The following INPP4B variants were observed in gnomAD, a reference collection of about 807,000 sequenced individuals.
INPP4B encodes inositol polyphosphate 4-phosphatase type II.
A neutral mutation model predicts 122.5 loss-of-function variants in INPP4B; 55 were observed. That is an observed-to-expected ratio of 0.45 (90% CI 0.36 to 0.56). The LOEUF is 0.56. Ranked by LOEUF, INPP4B falls within the 20% of genes least tolerant of loss-of-function variation. INPP4B has a pLI of 0.00. For synonymous variants in INPP4B, 403 were observed against 388.7 expected (o/e 1.04, Z -0.43); for missense variants, 1,000 against 1,097.7 (o/e 0.91, Z 1.26).
chr4:142,213,270 A>G (rs1316617629), intron 12 of INPP4B, among the ~76,000 whole-genome samples: 2 of 152,132 alleles, frequency 1.3e-5, no homozygotes, highest in African/African-American at 2.4e-5. Context: ...CCTGCCACCC[A>G]ACAGGTGTTG....
chr4:142,331,329 A>G (rs1337014876), intron 7 of INPP4B, among the ~76,000 whole-genome samples: 1 of 152,168 alleles, frequency 6.6e-6, no homozygotes, highest in African/African-American at 2.4e-5. Flanking sequence ...GGGACAGTAG[A>G]GCAGGCCCCA....
intron 7 of INPP4B, among the ~76,000 whole-genome samples, chr4:142,376,377 G>A (rs1235059505): frequency 6.6e-6 from 1 of 151,854 alleles, no homozygotes; most frequent in Non-Finnish European, 1.5e-5. Flanking sequence ...ATATAACCCA[G>A]CTAACCTAAA....
chr4:142,292,438 C>A (rs1262462211), intron 9 of INPP4B, among the ~76,000 whole-genome samples: 1 of 152,174 alleles, frequency 6.6e-6, no homozygotes, highest in Non-Finnish European at 1.5e-5. Context: ...GACTGCCCAA[C>A]AAACAAGCAA....
At chr4:142,450,982 C>T (rs933257806) in intron 3 of INPP4B, among the ~76,000 whole-genome samples, 3 of 149,922 alleles carry the variant, frequency 2.0e-5, no homozygotes, top group Non-Finnish European at 4.4e-5. Context: ...AACTCCCCCC[C>T]CCAAAAAAAG....
At chr4:142,506,405 G>A (rs1188229022) in intron 2 of INPP4B, among the ~76,000 whole-genome samples, 3 of 151,998 alleles carry the variant, frequency 2.0e-5, no homozygotes, top group African/African-American at 7.3e-5. Flanking sequence ...TTAGGTAATG[G>A]AGTTTTCTAG....
At chr4:142,651,966 C>T (rs185805824) in intron 2 of INPP4B, among the ~76,000 whole-genome samples, 2 of 152,240 alleles carry the variant, frequency 1.3e-5, no homozygotes. Context: ...ATACAAAAAT[C>T]CTCAATAAAA....
At chr4:142,382,658 T>C (rs1258574740) in intron 7 of INPP4B, among the ~76,000 whole-genome samples, 1 of 101,506 alleles carries the variant, frequency 9.9e-6, no homozygotes, top group South Asian at 2.3e-4. Flanking sequence ...TATATATATT[T>C]ATATATATAT....
Position 142,260,166 on chromosome 4 carries a change from A to G in INPP4B, c.688+326T>C, listed in dbSNP as rs994806449. On this transcript the variant is annotated intron_variant, in intron 11 of 25. Transcript: ENST00000262992. ...TGCCCAGCTAATTTTTGGTATTTTTAGTAGAGACGGGGTTTCACCATGTCA... is the reference window on the plus strand; with the variant it reads ...TGCCCAGCTAATTTTTGGTATTTTTGGTAGAGACGGGGTTTCACCATGTCA... 2.6e-5 allele frequency among the ~76,000 whole-genome samples: 4 copies of G among 152,026 alleles called. No individual in the cohort carries two copies. The East Asian group carries it at 7.7e-4, about 29-fold the overall frequency.
At chr4:142,236,938 T>C (rs1001382622) in intron 12 of INPP4B, among the ~76,000 whole-genome samples, 1 of 152,222 alleles carries the variant, frequency 6.6e-6, no homozygotes, top group East Asian at 1.9e-4. Context: ...GTTGCTAATT[T>C]AATGAGATTT....
chr4:142,425,084 TTTTCCAAAGAAAATTATTC>T (rs1338031516), intron 5 of INPP4B: 6 of 151,998 alleles, frequency 3.9e-5, no homozygotes, highest in Admixed American at 3.9e-4. Context: ...AGGAAAAAAC[TTTTCCAAAGAAAATTATTC>T]TATACATAAT....
chr4:142,402,929 A>G lies in INPP4B; in HGVS notation c.372+9T>C, dbSNP rs377062669. 34 of 1,271,396 alleles carry G rather than the reference A, an allele frequency of 2.7e-5. No homozygotes were observed. Among genetic ancestry groups the G allele is most frequent in the East Asian group, 1.2e-4 (5 of 43,402 alleles). The allele number at this position is 1,271,396 out of a possible 1,614,324, so 78.8% of individuals were successfully genotyped here. ...TTTCCCAAAGAAAGAAAGAAGTACCAGTACTTACGGTGTCATGAGACTTAT... is the reference window on the plus strand; with the variant it reads ...TTTCCCAAAGAAAGAAAGAAGTACCGGTACTTACGGTGTCATGAGACTTAT... On this transcript the variant is annotated intron_variant, in intron 7 of 25. Transcript: ENST00000262992.
intron 14 of INPP4B, among the ~76,000 whole-genome samples, chr4:142,206,690 A>C (rs1842719104): frequency 6.6e-6 from 1 of 152,064 alleles, no homozygotes; most frequent in African/African-American, 2.4e-5. Context: ...TTGGACATAA[A>C]TATATACTCT....
chr4:142,597,475 A>G (rs1252874517), intron 2 of INPP4B, among the ~76,000 whole-genome samples: 1 of 152,220 alleles, frequency 6.6e-6, no homozygotes, highest in Non-Finnish European at 1.5e-5. Context: ...AGATGAGTGA[A>G]GCCTACTAGG....
intron 16 of INPP4B, among the ~76,000 whole-genome samples, chr4:142,163,722 T>C (rs529889072): frequency 5.9e-5 from 9 of 151,868 alleles, no homozygotes; most frequent in African/African-American, 1.9e-4. Flanking sequence ...GTTTCAGGCA[T>C]CCCCTGGGCG....
At chr4:142,806,762 AAGAAGAAAGAAAGAAAGAAAGAAG>A (rs1405947249) in intron 1 of INPP4B, among the ~76,000 whole-genome samples, 123 of 121,550 alleles carry the variant, frequency 1.0e-3, no homozygotes, top group African/African-American at 4.0e-3. Context: ...AAGAAGAAGA[AAGAAGAAAGAAAGAAAGAAAGAAG>A]GAAAGAAAGA....
intron 2 of INPP4B, among the ~76,000 whole-genome samples, chr4:142,677,407 A>G (rs1055454492): frequency 6.6e-6 from 1 of 152,006 alleles, no homozygotes; most frequent in Admixed American, 6.5e-5. Context: ...AGTGTAAATT[A>G]GTTCAACTAT....
In INPP4B at chr4:142,829,312, C is replaced by T. The variant is rs182713339; in HGVS notation, c.-254+16897G>A. 1.0e-3 allele frequency among the ~76,000 whole-genome samples: 156 copies of T among 151,332 alleles called. 1 individual carries two copies. The highest frequency in any genetic ancestry group is 3.5e-3 in the African/African-American group (143 of 41,148). Reference sequence around the variant, plus strand: ...TCATATAATGACCCCTGACTTCTGACGGACTTTAGCCAATGTGGAGCACAG... The same window carrying T: ...TCATATAATGACCCCTGACTTCTGATGGACTTTAGCCAATGTGGAGCACAG... On this transcript the variant is annotated intron_variant, in intron 1 of 25. Transcript: ENST00000262992.
chr4:142,073,733 A>G (rs1415641458), intron 25 of INPP4B, among the ~76,000 whole-genome samples: 1 of 152,088 alleles, frequency 6.6e-6, no homozygotes, highest in African/African-American at 2.4e-5. Flanking sequence ...AGTGAAATGA[A>G]AATTATTTCC....
At chr4:142,793,894 C>G (rs765034108) in intron 1 of INPP4B, among the ~76,000 whole-genome samples, 10 of 151,566 alleles carry the variant, frequency 6.6e-5, no homozygotes, top group Non-Finnish European at 1.2e-4. Flanking sequence ...TAAAGCTTTA[C>G]AAAATATTAA....
Sources: gnomAD v4.1 joint callset for allele counts (sites outside exome capture counted in the v4.1 genomes callset) on GRCh38, gnomAD v4.1.1 for gene constraint, MANE v1.5 for transcripts, NCBI Gene and HGNC (gene_info 2026-07-23, HGNC 2026-07-21) for gene names.